The following BANF2 variants were observed in gnomAD, a reference collection of about 807,000 sequenced individuals.
BANF2 encodes BANF family member 2, also known as barrier-to-autointegration factor-like protein.
In BANF2, 4 loss-of-function variants were observed where a neutral mutation model predicts 8.0. That is an observed-to-expected ratio of 0.50 (90% CI 0.25 to 1.14). The LOEUF is 1.14. Ranked by LOEUF, BANF2 falls within the 50% of genes most tolerant of loss-of-function variation. The pLI is 0.16. For synonymous variants in BANF2, 50 were observed against 40.6 expected, an observed-to-expected ratio of 1.23 and a Z score of -0.88; for missense variants, 96 against 107.5, an observed-to-expected ratio of 0.89 and a Z score of 0.47.
At chr20:17,710,060 G>C (rs1210325751) in intron 1 of BANF2, among the ~76,000 whole-genome samples, 1 of 152,248 alleles carries the variant, frequency 6.6e-6, no homozygotes, top group Non-Finnish European at 1.5e-5. Context: ...GGGGATGTCT[G>C]GATATCACCT....
At chr20:17,711,573 C>T (rs1051052181) in intron 1 of BANF2, among the ~76,000 whole-genome samples, 1 of 152,200 alleles carries the variant, frequency 6.6e-6, no homozygotes, top group Non-Finnish European at 1.5e-5. Flanking sequence ...CACTCAGCTT[C>T]TACCTGACCC....
intron 1 of BANF2, among the ~76,000 whole-genome samples, chr20:17,713,635 AC>A (rs2037608948): frequency 6.6e-6 from 1 of 151,974 alleles, no homozygotes; most frequent in Admixed American, 6.6e-5. Context: ...GGAGTTTGAG[AC>A]CAGCCTGGGC....
intron 3 of BANF2, among the ~76,000 whole-genome samples, chr20:17,734,091 G>C (rs1271152721): frequency 6.6e-6 from 1 of 152,208 alleles, no homozygotes; most frequent in Non-Finnish European, 1.5e-5. Context: ...TAGTGGCTTG[G>C]CTAGTTTCTG....
At chr20:17,723,466 C>A (rs1465755991) in intron 2 of BANF2, among the ~76,000 whole-genome samples, 1 of 152,170 alleles carries the variant, frequency 6.6e-6, no homozygotes, top group African/African-American at 2.4e-5. Flanking sequence ...CAAGCTGAAG[C>A]CTTGCTCAAC....
chr20:17,695,330 T>C (rs2037337920), upstream of BANF2, among the ~76,000 whole-genome samples: 1 of 149,668 alleles, frequency 6.7e-6, no homozygotes, highest in Non-Finnish European at 1.5e-5. Context: ...GGCATGCCTG[T>C]AATTACTCGG....
intron 1 of BANF2, among the ~76,000 whole-genome samples, chr20:17,710,273 CTTG>C (rs2037550115): frequency 6.6e-6 from 1 of 152,204 alleles, no homozygotes; most frequent in Non-Finnish European, 1.5e-5. Flanking sequence ...TAAAACTGTC[CTTG>C]TTGTTCTGAC....
chr20:17,727,659 C>G, intron 3 of BANF2, among the ~76,000 whole-genome samples: 1 of 151,920 alleles, frequency 6.6e-6, no homozygotes, highest in South Asian at 2.1e-4. Flanking sequence ...TGACAGCATC[C>G]TGGGCGGGCA....
intron 1 of BANF2, among the ~76,000 whole-genome samples, chr20:17,717,656 T>C (rs2037675230): frequency 6.6e-6 from 1 of 152,176 alleles, no homozygotes; most frequent in Admixed American, 6.5e-5. Context: ...AATATACCAA[T>C]TTTGAAAGGC....
chr20:17,704,222 G>A (rs1024043943), intron 1 of BANF2, among the ~76,000 whole-genome samples: 3 of 152,218 alleles, frequency 2.0e-5, no homozygotes, highest in East Asian at 3.8e-4. Flanking sequence ...CTATGGACAC[G>A]CTACACAGTC....
intron 3 of BANF2, among the ~76,000 whole-genome samples, chr20:17,725,710 A>T (rs2037799075): frequency 6.6e-6 from 1 of 152,212 alleles, no homozygotes; most frequent in South Asian, 2.1e-4. Flanking sequence ...AAAGCTGCTT[A>T]GGGCCTCAGG....
intron 1 of BANF2, among the ~76,000 whole-genome samples, chr20:17,718,259 C>T (rs533826926): frequency 2.0e-5 from 3 of 152,284 alleles, no homozygotes; most frequent in African/African-American, 7.2e-5. Context: ...GGCTGAAGTG[C>T]GATGGCGAGA....
chr20:17,734,702 A>C (rs1400450963), intron 3 of BANF2, among the ~76,000 whole-genome samples: 4 of 152,150 alleles, frequency 2.6e-5, no homozygotes, highest in Non-Finnish European at 5.9e-5. Flanking sequence ...ATGCGTAGAG[A>C]TCAGGGGTGC....
upstream of BANF2, chr20:17,699,939 C>A (rs2037383834): frequency 1.0e-6 from 1 of 971,576 alleles, no homozygotes; most frequent in African/African-American, 1.8e-5. Context: ...CATTCAGGAT[C>A]TTGAGACTGA....
At chr20:17,709,792 T>C (rs1383997957) in intron 1 of BANF2, among the ~76,000 whole-genome samples, 1 of 152,162 alleles carries the variant, frequency 6.6e-6, no homozygotes, top group Admixed American at 6.5e-5. Flanking sequence ...AGCTATCTCA[T>C]CCCAAGGGCA....
At chr20:17,708,078 T>C (rs2037512878) in intron 1 of BANF2, among the ~76,000 whole-genome samples, 1 of 145,326 alleles carries the variant, frequency 6.9e-6, no homozygotes, top group Non-Finnish European at 1.5e-5. Context: ...CCAAAAAGAA[T>C]TAGCCAGGTG....
At chr20:17,721,354 C>A (rs924809160) in intron 1 of BANF2, among the ~76,000 whole-genome samples, 1 of 151,154 alleles carries the variant, frequency 6.6e-6, no homozygotes, top group Non-Finnish European at 1.5e-5. Context: ...AAAGACCTCT[C>A]CTTCATTTGG....
Position 17,707,382 on chromosome 20 carries a change from C to CAAAAAAAAAAA in BANF2, c.-167+7335_-167+7336insAAAAAAAAAAA, listed in dbSNP as rs374719840. 1.5e-3 allele frequency among the ~76,000 whole-genome samples: 209 copies of CAAAAAAAAAAA among 142,308 alleles called. 4 individuals carry two copies. The highest frequency in any genetic ancestry group is 0.015 in the East Asian group (74 of 5,054). The allele number at this position is 142,308 out of a possible 152,430, so 93.4% of individuals were successfully genotyped here. A position where few individuals can be genotyped will look rare whatever the true frequency, so the allele number is the denominator to read the frequency against. ...TGGGGGACAGAGCGAGACTCTGTGT[C>CAAAAAAAAAAA]AAAAAAAAGAAAATCCCAGTAAGGA... On this transcript the variant is annotated intron_variant, in intron 1 of 3. Coordinates refer to ENST00000246090, the MANE Select transcript of BANF2 (RefSeq NM_178477.5).
At chr20:17,709,233 G>C (rs1249842469) in intron 1 of BANF2, among the ~76,000 whole-genome samples, 2 of 152,154 alleles carry the variant, frequency 1.3e-5, no homozygotes, top group African/African-American at 4.8e-5. Context: ...TTTCTGAACT[G>C]AGACTCACAG....
At chr20:17,724,981 C>T in intron 2 of BANF2, 42 bp from the exon 3 acceptor site, 1 of 1,575,332 alleles carries the variant, frequency 6.3e-7, no homozygotes, top group Non-Finnish European at 8.7e-7. Context: ...TGGGAGAAGT[C>T]AGGTATCTGC....
Sources: allele counts gnomAD v4.1 joint callset (sites outside exome capture counted in the v4.1 genomes callset), GRCh38; gene constraint gnomAD v4.1.1; transcripts MANE v1.5; gene names NCBI Gene and HGNC (gene_info 2026-07-23, HGNC 2026-07-21).